Variants in LSM7 observed in about 807,000 individuals in gnomAD.
LSM7 encodes U6 snRNA-associated Sm-like protein LSm7.
LSM7 carries 13 observed loss-of-function variants against 14.1 expected under a neutral mutation model. The observed-to-expected ratio is 0.92, with a 90% confidence interval of 0.60 to 1.47. The LOEUF (loss-of-function observed/expected upper bound fraction) is 1.47, where lower values mean the gene tolerates loss of function less well. Ranked by LOEUF, LSM7 falls within the 40% of genes most tolerant of loss-of-function variation. The pLI is 0.00. For missense variants in LSM7, 108 were observed against 140.8 expected (o/e 0.77, Z 1.18); for synonymous variants, 70 against 57.1 (o/e 1.23, Z -1.02).
chr19:2,328,312 C>A, intron 2 of LSM7, 75 bp downstream of exon 2: 1 of 1,210,712 alleles, frequency 8.3e-7, no homozygotes, highest in Non-Finnish European at 1.2e-6. Flanking sequence ...CTTCCGCATG[C>A]GTCCTCATCA....
intron 3 of LSM7, among the ~76,000 whole-genome samples, chr19:2,322,864 C>T (rs1189304080): frequency 4.0e-5 from 6 of 151,734 alleles, no homozygotes; most frequent in Non-Finnish European, 5.9e-5. Flanking sequence ...GCACATGTAC[C>T]GCCATGCCTG....
intron 2 of LSM7, among the ~76,000 whole-genome samples, chr19:2,327,784 A>G (rs1213623640): frequency 1.3e-5 from 2 of 152,022 alleles, no homozygotes; most frequent in Non-Finnish European, 2.9e-5. Flanking sequence ...CCCGTCTTAC[A>G]AAAAAAAGAA....
At chr19:2,327,490 C>G (rs1968054621) in intron 2 of LSM7, among the ~76,000 whole-genome samples, 1 of 152,128 alleles carries the variant, frequency 6.6e-6, no homozygotes, top group Non-Finnish European at 1.5e-5. Context: ...ATCTGCCTGC[C>G]TCGGCCTCCC....
intron 2 of LSM7, among the ~76,000 whole-genome samples, chr19:2,326,948 C>G (rs1417648102): frequency 6.6e-6 from 1 of 152,186 alleles, no homozygotes; most frequent in African/African-American, 2.4e-5. Flanking sequence ...GGGACCCTGG[C>G]CCTGCAAAGG....
At position 2,328,572 on chromosome 19, in the gene LSM7, C is replaced by T. The variant is rs776681356; in HGVS notation, c.-6G>A. The T allele has an allele frequency of 1.3e-5, 20 of 1,582,538 alleles. No homozygotes were observed. Among genetic ancestry groups the T allele is most frequent in the Non-Finnish European group, 1.7e-5 (20 of 1,166,260 alleles). On this transcript the variant is annotated 5_prime_UTR_variant, in exon 1 of 4. Transcript: ENST00000252622. Reference sequence around the variant, plus strand: ...CGCCGCGCGCTCACCGCCATCTTGTCGCGCCGTGTGGCTCTTCGCAGGCAC... The same window carrying T: ...CGCCGCGCGCTCACCGCCATCTTGTTGCGCCGTGTGGCTCTTCGCAGGCAC...
intron 3 of LSM7, among the ~76,000 whole-genome samples, chr19:2,323,295 A>G (rs1403259517): frequency 6.6e-6 from 1 of 152,146 alleles, no homozygotes; most frequent in Non-Finnish European, 1.5e-5. Context: ...GGCGCCCGAG[A>G]GGAGCCCCAC....
chr19:2,328,263 G>T, intron 2 of LSM7, 124 bp downstream of exon 2: 2 of 831,218 alleles, frequency 2.4e-6, no homozygotes, highest in Non-Finnish European at 3.7e-6. Context: ...GAGCGAGACT[G>T]CGTCTCAAAA....
Position 2,321,808 on chromosome 19 carries a change from A to G in LSM7, c.184T>C (p.Tyr62His). ...TGCCGGGTGTCCTCCGTGAGCTTGT[A>G]CTGGTCGTCAGGGTCTGGGGAGGAG... ...IEYMRDPDDQ[Y>H]KLTEDTRQLG... is the part of the protein sequence containing the mutation. Residue 62 changes from tyrosine to histidine, a missense_variant, in exon 4 of 4, where the codon TAC (tyrosine) becomes CAC (histidine). Transcript: ENST00000252622. The surrounding 1 kb of genome is among the most constrained non-coding windows in gnomAD (Gnocchi z 5.0). 1 of 1,510,300 alleles carries G rather than the reference A, an allele frequency of 6.6e-7. No homozygotes were observed. Among genetic ancestry groups the G allele is most frequent in the Non-Finnish European group, 8.9e-7 (1 of 1,124,730 alleles). 93.6% of individuals were successfully genotyped at this position (1,510,300 alleles called of 1,614,324 possible).
At chr19:2,322,937 C>T (rs1967956042) in intron 3 of LSM7, among the ~76,000 whole-genome samples, 2 of 150,894 alleles carry the variant, frequency 1.3e-5, no homozygotes, top group Non-Finnish European at 2.9e-5. Context: ...AGGCTGGTCT[C>T]AAATTCCTGG....
At position 2,328,548 on chromosome 19, in the gene LSM7, G is replaced by C; in HGVS notation, c.6+13C>G. 1 of 1,597,928 alleles carries C rather than the reference G, an allele frequency of 6.3e-7. No homozygotes were observed. The highest frequency in any genetic ancestry group is 8.5e-7 in the Non-Finnish European group (1 of 1,173,330). On this transcript the variant is annotated intron_variant, in intron 1 of 3. Coordinates refer to ENST00000252622, the MANE Select transcript of LSM7 (RefSeq NM_016199.3). ...TCCACGCCCCCCGGCTCCAGATTCC[G>C]CCGCGCGCTCACCGCCATCTTGTCG...
In LSM7 at chr19:2,321,873, G is replaced by GACCCCCCCCCCCCCCACAC; in HGVS notation, c.170-52_170-51insGTGTGGGGGGGGGGGGGGT. The GACCCCCCCCCCCCCCACAC allele has an allele frequency of 7.4e-7, 1 of 1,358,146 alleles. No homozygotes were observed. The allele number at this position is 1,358,146 out of a possible 1,614,324, so 84.1% of individuals were successfully genotyped here. A position where few individuals can be genotyped will look rare whatever the true frequency, so the allele number is the denominator to read the frequency against. On this transcript the variant is annotated intron_variant, in intron 3 of 3. Coordinates refer to ENST00000252622, the MANE Select transcript of LSM7 (RefSeq NM_016199.3). The surrounding 1 kb of genome is among the most constrained non-coding windows in gnomAD (Gnocchi z 5.0). Reference sequence around the variant, plus strand: ...TGAGGGACCTCCAGGAAGCCTCCGAGACCCCCCACCCACCCAAGACCCTCG... The same window carrying GACCCCCCCCCCCCCCACAC: ...TGAGGGACCTCCAGGAAGCCTCCGAGACCCCCCCCCCCCCCACACACCCCCCACCCACCCAAGACCCTCG...
In LSM7 at chr19:2,321,924, CA is replaced by C. The variant is rs1967940503; in HGVS notation, c.170-103del. 4 of 1,145,230 alleles carry C rather than the reference CA, an allele frequency of 3.5e-6. No individual in the cohort carries two copies. In the East Asian group the frequency reaches 1.3e-4, roughly 37 times the overall value. 70.9% of individuals were successfully genotyped at this position (1,145,230 alleles called of 1,614,324 possible). The stretch of plus-strand genomic sequence containing the variant: ...CTCCGACCTCCCCACCTGCACCCTG[CA>C]GGCGCCACGAGCACGCAGGGACCTC... On this transcript the variant is annotated intron_variant, in intron 3 of 3. Transcript: ENST00000252622. The surrounding 1 kb of genome is among the most constrained non-coding windows in gnomAD (Gnocchi z 5.0).
At chr19:2,322,354 T>C (rs1971005) in intron 3 of LSM7, among the ~76,000 whole-genome samples, 1 of 151,866 alleles carries the variant, frequency 6.6e-6, no homozygotes, top group African/African-American at 2.4e-5. Context: ...CCTGGCTAAC[T>C]TGGTGAAACC....
At chr19:2,327,689 G>A (rs1209462952) in intron 2 of LSM7, among the ~76,000 whole-genome samples, 3 of 152,118 alleles carry the variant, frequency 2.0e-5, no homozygotes, top group East Asian at 1.9e-4. Context: ...CACGTGAGCC[G>A]CCCCGTCCGG....
intron 3 of LSM7, among the ~76,000 whole-genome samples, chr19:2,323,198 G>A (rs56291613): frequency 0.48 from 73,575 of 151,936 alleles, 20,009 homozygotes; most frequent in African/African-American, 0.73. Flanking sequence ...GGGAGCGAGC[G>A]GGGGCAGGGA....
chr19:2,322,185 T>C (rs974691887), intron 3 of LSM7, among the ~76,000 whole-genome samples: 1 of 152,176 alleles, frequency 6.6e-6, no homozygotes, highest in Non-Finnish European at 1.5e-5. Flanking sequence ...ACAGGCACCC[T>C]GGGCCTCCTG....
In LSM7 at chr19:2,327,732, C is replaced by A. The variant is rs539114798; in HGVS notation, c.97+655G>T. On this transcript the variant is annotated intron_variant, in intron 2 of 3. Transcript: ENST00000252622. The stretch of plus-strand genomic sequence containing the variant: ...ACTGTGATTTTTAATAACTCTCATG[C>A]CACCCAGTTGTCTACAATCCAGGGA... 1.2e-4 allele frequency among the ~76,000 whole-genome samples: 18 copies of A among 152,270 alleles called. No homozygotes were observed. In the South Asian group the frequency reaches 3.5e-3, roughly 30 times the overall value.
intron 2 of LSM7, among the ~76,000 whole-genome samples, chr19:2,327,267 TC>T (rs1968046002): frequency 6.6e-6 from 1 of 152,182 alleles, no homozygotes; most frequent in Non-Finnish European, 1.5e-5. Flanking sequence ...TATTCCTTTT[TC>T]TTTTTGTTTT....
intron 2 of LSM7, among the ~76,000 whole-genome samples, chr19:2,327,257 T>C (rs1476720593): frequency 6.6e-6 from 1 of 152,256 alleles, no homozygotes; most frequent in Non-Finnish European, 1.5e-5. Flanking sequence ...ATTTTATTCA[T>C]ATTCCTTTTT....
Sources: allele counts gnomAD v4.1 joint callset (sites outside exome capture counted in the v4.1 genomes callset), GRCh38; gene constraint gnomAD v4.1.1; non-coding constraint Gnocchi (gnomAD v3.1); transcripts MANE v1.5; gene names NCBI Gene and HGNC (gene_info 2026-07-23, HGNC 2026-07-21).